The following DOK6 variants were observed in gnomAD, a reference collection of about 807,000 sequenced individuals.
The protein encoded by DOK6 is downstream of tyrosine kinase 6.
DOK6 carries 22 observed loss-of-function variants against 44.0 expected under a neutral mutation model. That is an observed-to-expected ratio of 0.50 (90% CI 0.36 to 0.71). The LOEUF (loss-of-function observed/expected upper bound fraction) is 0.71, where lower values mean the gene tolerates loss of function less well. Among genes scored for constraint, DOK6 ranks in the 30% least tolerant of loss-of-function variants. The pLI, the probability that DOK6 is intolerant of heterozygous loss-of-function variation, is 0.00. For missense variants in DOK6, 340 were observed against 416.4 expected, an observed-to-expected ratio of 0.82 and a Z score of 1.60; for synonymous variants, 166 against 145.5, an observed-to-expected ratio of 1.14 and a Z score of -1.01.
chr18:69,823,625 TTGTGTGTG>T (rs72248499), intron 7 of DOK6, among the ~76,000 whole-genome samples: 44 of 146,866 alleles, frequency 3.0e-4, no homozygotes, highest in African/African-American at 7.5e-4. Flanking sequence ...GTGTGTGTGT[TTGTGTGTG>T]TGTGTGTGTG....
In DOK6 at chr18:69,401,146, G is replaced by A; in HGVS notation, c.-99G>A. 1 of 1,247,602 alleles carries A rather than the reference G, an allele frequency of 8.0e-7. No homozygotes were observed. Among genetic ancestry groups the A allele is most frequent in the Non-Finnish European group, 1.0e-6 (1 of 963,012 alleles). 77.3% of individuals were successfully genotyped at this position (1,247,602 alleles called of 1,614,324 possible). On this transcript the variant is annotated 5_prime_UTR_variant, in exon 1 of 8. Transcript: ENST00000382713. ...GGGCGGCGGCGCTGCTGCTGGCGGCGGCCGGCTGGATGCGAGACCCGCGCA... is the reference window on the plus strand; with the variant it reads ...GGGCGGCGGCGCTGCTGCTGGCGGCAGCCGGCTGGATGCGAGACCCGCGCA...
intron 1 of DOK6, among the ~76,000 whole-genome samples, chr18:69,543,246 G>T (rs966128638): frequency 6.6e-6 from 1 of 151,538 alleles, no homozygotes; most frequent in African/African-American, 2.4e-5. Context: ...TTTTCAGTGT[G>T]CCAGAATAAA....
At chr18:69,435,041 A>AAGGAAGGAC (rs1568256532) in intron 1 of DOK6, among the ~76,000 whole-genome samples, 1 of 43,412 alleles carries the variant, frequency 2.3e-5, no homozygotes, top group Non-Finnish European at 5.5e-5. Flanking sequence ...GAAGGAAGGA[A>AAGGAAGGAC]GGAAGGAAGG....
chr18:69,586,170 C>T (rs4891753), intron 2 of DOK6, among the ~76,000 whole-genome samples: 191 of 152,056 alleles, frequency 1.3e-3, no homozygotes, highest in African/African-American at 4.6e-3. Flanking sequence ...AAGCAGTTAC[C>T]GAAACCACAA....
chr18:69,523,755 G>T (rs1212827927), intron 1 of DOK6, among the ~76,000 whole-genome samples: 1 of 151,736 alleles, frequency 6.6e-6, no homozygotes, highest in African/African-American at 2.4e-5. Flanking sequence ...AGCTCAAGTA[G>T]CAGTGATCCA....
intron 2 of DOK6, among the ~76,000 whole-genome samples, chr18:69,580,322 C>T (rs951789642): frequency 6.6e-6 from 1 of 152,148 alleles, no homozygotes; most frequent in East Asian, 1.9e-4. Flanking sequence ...CAATAACAAG[C>T]TGCTCTCAGC....
chr18:69,537,386 C>T (rs886869801), intron 1 of DOK6, among the ~76,000 whole-genome samples: 10 of 152,094 alleles, frequency 6.6e-5, no homozygotes, highest in Non-Finnish European at 1.0e-4. Flanking sequence ...ATCATTATCA[C>T]GGCCCTTTCT....
intron 7 of DOK6, among the ~76,000 whole-genome samples, chr18:69,807,989 A>G (rs1210238507): frequency 1.3e-5 from 2 of 151,894 alleles, no homozygotes; most frequent in African/African-American, 4.8e-5. Context: ...TAGCAGCAGA[A>G]TATACATTTT....
At chr18:69,532,685 ACT>A (rs1982017999) in intron 1 of DOK6, 1 of 151,870 alleles carries the variant, frequency 6.6e-6, no homozygotes, top group Non-Finnish European at 1.5e-5. Context: ...ACATAGGGAG[ACT>A]CTGTCCCTTT....
At chr18:69,826,591 C>T (rs541340778) in intron 7 of DOK6, among the ~76,000 whole-genome samples, 1 of 152,210 alleles carries the variant, frequency 6.6e-6, no homozygotes, top group South Asian at 2.1e-4. Flanking sequence ...CCTTCTTTCT[C>T]CTACAATCTT....
At chr18:69,548,254 CAT>C (rs1297353100) in intron 1 of DOK6, among the ~76,000 whole-genome samples, 2 of 151,154 alleles carry the variant, frequency 1.3e-5, no homozygotes, top group South Asian at 2.1e-4. Context: ...CGCCTGCCCT[CAT>C]ATATATATTT....
chr18:69,629,510 G>A lies in DOK6; in HGVS notation c.289+30012G>A, dbSNP rs750652416. Among the ~76,000 whole-genome samples, 3 of 152,176 alleles carry A rather than the reference G, an allele frequency of 2.0e-5. No homozygotes were observed. In the South Asian group the frequency reaches 6.2e-4, roughly 31 times the overall value. The stretch of plus-strand genomic sequence containing the variant: ...CCTGCATCTGGCACTTTTATTGAAA[G>A]AGAAATTTGCAATATAAATGTTTTC... On this transcript the variant is annotated intron_variant, in intron 3 of 7. Transcript: ENST00000382713.
intron 1 of DOK6, among the ~76,000 whole-genome samples, chr18:69,407,736 A>G (rs1274131239): frequency 6.6e-6 from 1 of 152,240 alleles, no homozygotes; most frequent in Admixed American, 6.5e-5. Flanking sequence ...TATTGTTTAC[A>G]TGGTACTTGC....
intron 7 of DOK6, among the ~76,000 whole-genome samples, chr18:69,797,721 A>G (rs771510377): frequency 3.9e-5 from 6 of 152,056 alleles, no homozygotes; most frequent in Non-Finnish European, 5.9e-5. Flanking sequence ...AACATTGCAT[A>G]GAGCTCTTAG....
chr18:69,644,338 C>G (rs1176699295), intron 3 of DOK6, among the ~76,000 whole-genome samples: 1 of 152,126 alleles, frequency 6.6e-6, no homozygotes, highest in Non-Finnish European at 1.5e-5. Context: ...TCTTTGCGTA[C>G]TCTTAATTCC....
chr18:69,524,981 TA>T (rs35522322), intron 1 of DOK6, among the ~76,000 whole-genome samples: 4 of 151,254 alleles, frequency 2.6e-5, no homozygotes, highest in South Asian at 2.1e-4. Context: ...AGATTTTCAG[TA>T]AAAAAACATT....
rs1169689337 is a variant in DOK6 at position 69,842,876 on chromosome 18, C to A, written c.*1493C>A. 6.6e-6 allele frequency: 1 copy of A among 151,980 alleles called. No homozygotes were observed. The highest frequency in any genetic ancestry group is 1.5e-5 in the Non-Finnish European group (1 of 68,008). The allele number at this position is 151,980 out of a possible 1,614,324, so 9.4% of individuals were successfully genotyped here. On this transcript the variant is annotated 3_prime_UTR_variant, in exon 8 of 8. Transcript: ENST00000382713. ...TTTAAAGAACAGTGAGCTCAGGTCA[C>A]GCAAGATGAAAACCCAGGTTTTTTT...
At chr18:69,527,000 A>T (rs772585823) in intron 1 of DOK6, among the ~76,000 whole-genome samples, 3 of 152,198 alleles carry the variant, frequency 2.0e-5, no homozygotes, top group Non-Finnish European at 4.4e-5. Context: ...TGCTCAGAAG[A>T]ACAATGGGAA....
chr18:69,524,375 T>C (rs1981771312), intron 1 of DOK6, among the ~76,000 whole-genome samples: 1 of 152,052 alleles, frequency 6.6e-6, no homozygotes, highest in African/African-American at 2.4e-5. Context: ...AACTTTCATA[T>C]GATTTATGCA....
Sources: allele counts gnomAD v4.1 joint callset (sites outside exome capture counted in the v4.1 genomes callset), GRCh38; gene constraint gnomAD v4.1.1; transcripts MANE v1.5; gene names NCBI Gene and HGNC (gene_info 2026-07-23, HGNC 2026-07-21).